The following SGCZ variants were observed in gnomAD, a reference collection of about 807,000 sequenced individuals.
SGCZ encodes the protein zeta-sarcoglycan.
In SGCZ, 40 loss-of-function variants were observed where a neutral mutation model predicts 41.3. The observed-to-expected ratio is 0.97, with a 90% CI of 0.75 to 1.26. The LOEUF (loss-of-function observed/expected upper bound fraction) is 1.26, where lower values mean the gene tolerates loss of function less well. Among genes scored for constraint, SGCZ ranks in the 50% most tolerant of loss-of-function variants. SGCZ has a pLI of 0.00. For missense variants in SGCZ, 552 were observed against 369.8 expected, an observed-to-expected ratio of 1.49 and a Z score of -4.04; for synonymous variants, 206 against 137.5, an observed-to-expected ratio of 1.50 and a Z score of -3.49.
Position 14,096,994 on chromosome 8 carries a change from C to T in SGCZ, c.744+5382G>A, listed in dbSNP as rs200125853. 1.0e-3 allele frequency among the ~76,000 whole-genome samples: 157 copies of T among 151,774 alleles called. 1 individual carries two copies. The highest frequency in any genetic ancestry group is 3.6e-3 in the African/African-American group (150 of 41,422). On this transcript the variant is annotated intron_variant, in intron 7 of 7. Transcript: ENST00000382080. ...GCATCTATTTGATTCTTCTCTCTTT[C>T]CTTCTTTATTAGTCTGGCTAGCGGT...
intron 1 of SGCZ, among the ~76,000 whole-genome samples, chr8:14,563,373 G>A (rs1804265791): frequency 6.6e-6 from 1 of 152,146 alleles, no homozygotes; most frequent in Admixed American, 6.6e-5. Flanking sequence ...GACGGCAAAG[G>A]CTAAAATAAA....
At chr8:15,214,614 T>A (rs1801340568) in intron 1 of SGCZ, among the ~76,000 whole-genome samples, 1 of 152,156 alleles carries the variant, frequency 6.6e-6, no homozygotes, top group South Asian at 2.1e-4. Context: ...GACATGCACA[T>A]CTTCCTGTGC....
At chr8:15,184,486 T>G (rs551908910) in intron 1 of SGCZ, among the ~76,000 whole-genome samples, 1 of 152,134 alleles carries the variant, frequency 6.6e-6, no homozygotes, top group East Asian at 1.9e-4. Flanking sequence ...CCAGTTACTC[T>G]TCACCTCTCA....
intron 1 of SGCZ, among the ~76,000 whole-genome samples, chr8:15,211,892 G>C (rs926520652): frequency 6.6e-6 from 1 of 151,996 alleles, no homozygotes; most frequent in African/African-American, 2.4e-5. Flanking sequence ...TCTTTGATTA[G>C]GGTTCACTTT....
chr8:14,563,756 T>C (rs1488641160), intron 1 of SGCZ, among the ~76,000 whole-genome samples: 3 of 152,138 alleles, frequency 2.0e-5, no homozygotes, highest in Admixed American at 6.5e-5. Context: ...GAGGAAGTAA[T>C]AAAGTTAATT....
chr8:15,178,258 T>A (rs909564254), intron 1 of SGCZ, among the ~76,000 whole-genome samples: 1 of 152,178 alleles, frequency 6.6e-6, no homozygotes, highest in Non-Finnish European at 1.5e-5. Context: ...CCTTTGATGA[T>A]AATGCAAGAG....
intron 2 of SGCZ, among the ~76,000 whole-genome samples, chr8:14,473,393 T>C (rs1475873632): frequency 1.3e-5 from 2 of 152,324 alleles, no homozygotes; most frequent in Non-Finnish European, 2.9e-5. Context: ...ACATTATACA[T>C]ATGAAATAAC....
chr8:14,559,122 C>G (rs916668622), intron 1 of SGCZ, among the ~76,000 whole-genome samples: 3 of 152,020 alleles, frequency 2.0e-5, no homozygotes, highest in Admixed American at 6.6e-5. Flanking sequence ...ACTAGAAGTC[C>G]TAGTCAGAGC....
At chr8:14,198,069 A>G (rs1395241074) in intron 4 of SGCZ, among the ~76,000 whole-genome samples, 1 of 152,200 alleles carries the variant, frequency 6.6e-6, no homozygotes, top group Non-Finnish European at 1.5e-5. Context: ...AGCAGTCCTC[A>G]CTTAACTGTG....
chr8:14,275,387 C>T (rs531272894), intron 3 of SGCZ, among the ~76,000 whole-genome samples: 8 of 152,244 alleles, frequency 5.3e-5, no homozygotes, highest in Non-Finnish European at 1.0e-4. Context: ...TAATAATTCA[C>T]GTATTTAATC....
chr8:15,128,370 G>T (rs1585592151), intron 1 of SGCZ, among the ~76,000 whole-genome samples: 1 of 152,210 alleles, frequency 6.6e-6, no homozygotes, highest in East Asian at 1.9e-4. Flanking sequence ...GAGGAATGAA[G>T]TCTTGTCTCT....
chr8:14,942,368 T>G (rs754567989), intron 1 of SGCZ, among the ~76,000 whole-genome samples: 18 of 152,126 alleles, frequency 1.2e-4, no homozygotes, highest in Non-Finnish European at 1.8e-4. Context: ...CTGAAGAAAT[T>G]AGACTGGTAG....
chr8:14,628,160 T>C (rs1366273659), intron 1 of SGCZ, among the ~76,000 whole-genome samples: 1 of 152,016 alleles, frequency 6.6e-6, no homozygotes, highest in Non-Finnish European at 1.5e-5. Context: ...AAAAACCTTT[T>C]AAAAAATCCA....
chr8:14,226,653 C>G (rs1806383688), intron 4 of SGCZ, among the ~76,000 whole-genome samples: 1 of 152,076 alleles, frequency 6.6e-6, no homozygotes, highest in African/African-American at 2.4e-5. Context: ...GTGGATAGAG[C>G]TGCTGTGAAT....
In SGCZ at chr8:14,108,161, A is replaced by C. The variant is rs1315046183; in HGVS notation, c.620+2T>G. On this transcript the variant is annotated splice_donor_variant, in intron 6 of 7. Transcript: ENST00000382080. LOFTEE classifies it high-confidence loss of function. The stretch of plus-strand genomic sequence containing the variant: ...GCCACAGGTATAAGAGGAAGCCCTT[A>C]CCTGAGATCTTGGGATGGCTCTGCT... The C allele has an allele frequency of 1.2e-6, 2 of 1,614,008 alleles. No homozygotes were observed. The highest frequency in any genetic ancestry group is 1.7e-6 in the Non-Finnish European group (2 of 1,179,942).
intron 2 of SGCZ, among the ~76,000 whole-genome samples, chr8:14,492,356 G>A (rs1414194384): frequency 6.6e-6 from 1 of 152,144 alleles, no homozygotes; most frequent in East Asian, 1.9e-4. Context: ...TGTATTACAT[G>A]AGAAAATATT....
intron 1 of SGCZ, among the ~76,000 whole-genome samples, chr8:14,939,607 G>C (rs1467472298): frequency 1.3e-5 from 2 of 152,150 alleles, no homozygotes; most frequent in African/African-American, 2.4e-5. Context: ...GAAAAAGAGA[G>C]TGGATGTCAT....
rs113250636 is a variant in SGCZ, at chr8:14,459,785, C to G, written c.234+94947G>C. Among the ~76,000 whole-genome samples, 139 of 152,176 alleles carry G rather than the reference C, an allele frequency of 9.1e-4. 1 individual carries two copies. The highest frequency in any genetic ancestry group is 3.3e-3 in the African/African-American group (138 of 41,508). On this transcript the variant is annotated intron_variant, in intron 2 of 7. Transcript: ENST00000382080. The stretch of plus-strand genomic sequence containing the variant: ...GGTATTCTCACATCCTCACCCCAAC[C>G]ATAAGTAAATAAATAAAAGCAAGGA...
chr8:14,441,084 C>A (rs551910711), intron 2 of SGCZ, among the ~76,000 whole-genome samples: 1 of 152,052 alleles, frequency 6.6e-6, no homozygotes, highest in Non-Finnish European at 1.5e-5. Context: ...GATACAGGAC[C>A]GAAGTCTGGT....
Sources: allele counts gnomAD v4.1 joint callset (sites outside exome capture counted in the v4.1 genomes callset), GRCh38; gene constraint gnomAD v4.1.1; transcripts MANE v1.5; gene names NCBI Gene and HGNC (gene_info 2026-07-23, HGNC 2026-07-21).